Variants in LCORL observed in about 807,000 individuals in gnomAD.
LCORL encodes ligand-dependent nuclear receptor corepressor-like protein.
Under a neutral mutation model 141.8 loss-of-function variants are expected in LCORL, and 41 were observed. The ratio of observed to expected loss-of-function variants is 0.29; its 90% confidence interval spans 0.23 to 0.38. LCORL has a LOEUF of 0.38. LCORL is among the 10% of genes least tolerant of loss of function. The pLI, the probability that LCORL is intolerant of heterozygous loss-of-function variation, is 1.00. For missense variants in LCORL, 1,759 were observed against 2,035.0 expected (o/e 0.86, Z 2.61); for synonymous variants, 618 against 694.1 (o/e 0.89, Z 1.72).
chr4:17,945,041 C>T (rs1738634455), intron 4 of LCORL, among the ~76,000 whole-genome samples: 1 of 152,006 alleles, frequency 6.6e-6, no homozygotes, highest in Admixed American at 6.6e-5. Context: ...TCACACTTCC[C>T]AGGTACAGTA....
At chr4:17,930,162 C>G (rs1428417630) in intron 4 of LCORL, among the ~76,000 whole-genome samples, 1 of 152,164 alleles carries the variant, frequency 6.6e-6, no homozygotes, top group East Asian at 1.9e-4. Context: ...GGTGGCAATG[C>G]AAAATGCTAT....
intron 4 of LCORL, among the ~76,000 whole-genome samples, chr4:17,944,714 A>C (rs2658752): frequency 0.027 from 4,048 of 152,246 alleles, 69 homozygotes; most frequent in Non-Finnish European, 0.041. Flanking sequence ...GATATATATA[A>C]ATAGAAGTCC....
intron 1 of LCORL, among the ~76,000 whole-genome samples, chr4:18,009,416 C>T (rs1337588613): frequency 6.6e-6 from 1 of 151,774 alleles, no homozygotes; most frequent in Admixed American, 6.6e-5. Flanking sequence ...GGTCCCTATT[C>T]CTCATGCCTG....
intron 2 of LCORL, among the ~76,000 whole-genome samples, chr4:17,965,493 G>A (rs1033645835): frequency 6.6e-6 from 1 of 152,072 alleles, no homozygotes; most frequent in Non-Finnish European, 1.5e-5. Context: ...ACTCAAAAGA[G>A]GTTAAATTAT....
chr4:17,943,106 G>C (rs990099403), intron 4 of LCORL, among the ~76,000 whole-genome samples: 1 of 152,136 alleles, frequency 6.6e-6, no homozygotes, highest in Non-Finnish European at 1.5e-5. Context: ...AAACGTTGGG[G>C]ACTGCTGATC....
chr4:17,923,865 C>T (rs527291719), intron 4 of LCORL, among the ~76,000 whole-genome samples: 4 of 152,150 alleles, frequency 2.6e-5, no homozygotes, highest in South Asian at 4.1e-4. Flanking sequence ...GGCAGCACTG[C>T]GTCTTTCCCG....
intron 6 of LCORL, chr4:17,883,700 A>G: frequency 6.7e-7 from 1 of 1,502,726 alleles, no homozygotes; most frequent in South Asian, 1.3e-5. Flanking sequence ...ACACTCACAA[A>G]CATTTTCCTA....
At chr4:17,876,611 T>C (rs1479661700) in exon 7 of LCORL, 8 of 1,230,634 alleles carry the variant, frequency 6.5e-6, no homozygotes, top group Non-Finnish European at 8.1e-6. Flanking sequence ...TAGGGGATTT[T>C]TTAAAAACAT....
chr4:17,929,364 C>A (rs1290424785), intron 4 of LCORL, among the ~76,000 whole-genome samples: 1 of 152,090 alleles, frequency 6.6e-6, no homozygotes, highest in Non-Finnish European at 1.5e-5. Context: ...ATTAGCATTT[C>A]CTAATTTCAA....
At chr4:17,965,417 C>T (rs1714670786) in intron 2 of LCORL, among the ~76,000 whole-genome samples, 1 of 152,094 alleles carries the variant, frequency 6.6e-6, no homozygotes, top group Non-Finnish European at 1.5e-5. Context: ...TTTAATCTCT[C>T]AAACAACGAA....
At chr4:17,862,003 C>A (rs573149647) in intron 7 of LCORL, among the ~76,000 whole-genome samples, 1 of 152,226 alleles carries the variant, frequency 6.6e-6, no homozygotes, top group South Asian at 2.1e-4. Flanking sequence ...AAGTTCCAGA[C>A]TTTCCCACAT....
At chr4:17,887,847 G>GGCTT (rs1728506905) in intron 5 of LCORL, among the ~76,000 whole-genome samples, 1 of 152,060 alleles carries the variant, frequency 6.6e-6, no homozygotes. Flanking sequence ...CTCGTTTCTG[G>GGCTT]GCTTTCACAC....
chr4:17,898,196 T>A (rs1043089703), intron 5 of LCORL, among the ~76,000 whole-genome samples: 1 of 152,188 alleles, frequency 6.6e-6, no homozygotes, highest in African/African-American at 2.4e-5. Flanking sequence ...TTAAAGTATT[T>A]TTTTGCCCTT....
In LCORL at chr4:17,973,499, T is replaced by C. The variant is rs368324653; in HGVS notation, c.155-614A>G. Among the ~76,000 whole-genome samples, 32 of 152,060 alleles carry C rather than the reference T, an allele frequency of 2.1e-4. 1 individual carries two copies. The South Asian group carries it at 3.7e-3, about 18-fold the overall frequency. On this transcript the variant is annotated intron_variant, in intron 1 of 7. Coordinates refer to ENST00000635767, the Ensembl canonical transcript of LCORL. ...TCCCAAGTATTCCACTTTCTGGATA[T>C]ACTAGTTTTAAGATTTTACAATTTT... is the stretch of plus-strand genomic sequence containing the variant.
At chr4:17,848,646 T>C (rs899130300) in intron 7 of LCORL, among the ~76,000 whole-genome samples, 2 of 152,234 alleles carry the variant, frequency 1.3e-5, no homozygotes, top group African/African-American at 4.8e-5. Flanking sequence ...AGGTACCAGG[T>C]TCATCTCACT....
chr4:17,943,750 T>C (rs1484201504), intron 4 of LCORL, among the ~76,000 whole-genome samples: 1 of 152,208 alleles, frequency 6.6e-6, no homozygotes, highest in Non-Finnish European at 1.5e-5. Flanking sequence ...GTCACAGGAA[T>C]ATAAAGAATA....
chr4:17,946,702 C>T (rs757300271), intron 4 of LCORL, among the ~76,000 whole-genome samples: 4 of 151,852 alleles, frequency 2.6e-5, no homozygotes, highest in Non-Finnish European at 5.9e-5. Flanking sequence ...CCTTAAAAAT[C>T]CCTTAAATAG....
At chr4:17,995,895 T>C (rs975838653) in intron 1 of LCORL, among the ~76,000 whole-genome samples, 2 of 152,152 alleles carry the variant, frequency 1.3e-5, no homozygotes, top group African/African-American at 4.8e-5. Context: ...TCTGGACAAA[T>C]GTATCTCTCT....
intron 4 of LCORL, among the ~76,000 whole-genome samples, chr4:17,948,000 A>G (rs1739152303): frequency 6.6e-6 from 1 of 152,028 alleles, no homozygotes. Context: ...CAAACAGGAA[A>G]TGAGAAGCAG....
Sources: allele counts gnomAD v4.1 joint callset (sites outside exome capture counted in the v4.1 genomes callset), GRCh38; gene constraint gnomAD v4.1.1; transcripts MANE v1.5; gene names NCBI Gene and HGNC (gene_info 2026-07-23, HGNC 2026-07-21).